Variants in NLRP4 observed in about 807,000 individuals in gnomAD.
NLRP4 encodes NACHT, LRR and PYD domains-containing protein 4.
Under a neutral mutation model 84.7 loss-of-function variants are expected in NLRP4, and 44 were observed. The ratio of observed to expected loss-of-function variants is 0.52; its 90% CI spans 0.41 to 0.67. NLRP4 has a LOEUF of 0.67. NLRP4 is among the 30% of genes least tolerant of loss of function. The pLI is 0.00. For synonymous variants in NLRP4, 544 were observed against 476.4 expected (o/e 1.14, Z -1.85); for missense variants, 1,260 against 1,219.4 (o/e 1.03, Z -0.50).
At chr19:55,844,610 T>C (rs555028367) in intron 1 of NLRP4, among the ~76,000 whole-genome samples, 4 of 152,136 alleles carry the variant, frequency 2.6e-5, no homozygotes, top group Non-Finnish European at 5.9e-5. Context: ...ACCAATTATA[T>C]TGGATCGGGG....
In NLRP4 at chr19:55,861,387, T is replaced by C; in HGVS notation, c.1858T>C (p.Ser620Pro). Residue 620 changes from serine (S) to proline (P), a missense_variant and splice_region_variant, in exon 4 of 10, where the codon TCG (serine) becomes CCG (proline). Physicochemically the swap from Ser to Pro is moderately conservative, Grantham distance 74. Coordinates refer to ENST00000301295, the MANE Select transcript of NLRP4 (RefSeq NM_134444.5). ...FKKEDEHSST[S>P]DYSLICWHHI... ...AAGCTCGTCCTTTCTTGACCACAGG[T>C]CGGATTACAGCCTCATCTGTTGGCA... 1.2e-6 allele frequency: 2 copies of C among 1,612,666 alleles called. No homozygotes were observed. The highest frequency in any genetic ancestry group is 1.7e-6 in the Non-Finnish European group (2 of 1,179,204).
chr19:55,875,734 A>G (rs544300651), intron 7 of NLRP4, among the ~76,000 whole-genome samples: 1 of 152,202 alleles, frequency 6.6e-6, no homozygotes, highest in East Asian at 1.9e-4. Flanking sequence ...AAACACCTAA[A>G]ATATAAAAAG....
intron 1 of NLRP4, among the ~76,000 whole-genome samples, chr19:55,850,200 G>A (rs1984020961): frequency 6.8e-6 from 1 of 147,232 alleles, no homozygotes; most frequent in Non-Finnish European, 1.5e-5. Context: ...CGTGGCTGCG[G>A]TGTAATTTCC....
In NLRP4 at chr19:55,847,426, C is replaced by G. The variant is rs888246918; in HGVS notation, c.-65-4590C>G. Among the ~76,000 whole-genome samples the G allele has an allele frequency of 2.6e-5, 4 of 152,082 alleles. No homozygotes were observed. The South Asian group carries it at 8.3e-4, about 31-fold the overall frequency. ...TCCACGTATGCTTGAAAAGAATGTT[C>G]TCTTGTGTGTAGGATTCCATAAATA... On this transcript the variant is annotated intron_variant, in intron 1 of 9. Transcript: ENST00000301295.
Position 55,877,031 on chromosome 19 carries a change from A to G in NLRP4, c.2561A>G (p.Glu854Gly). 2 of 1,613,936 alleles carry G rather than the reference A, an allele frequency of 1.2e-6. No individual in the cohort carries two copies. The highest frequency in any genetic ancestry group is 2.2e-5 in the South Asian group (2 of 91,058). The change falls in exon 8 of 10, where the codon GAA becomes GGA. Residue 854 changes from glutamate (E) to glycine (G), a missense_variant. Around this residue, in one of 3 missense-constraint regions of NLRP4, gnomAD observed 544 missense variants for 531.7 expected, o/e 1.02. Coordinates refer to ENST00000301295, the MANE Select transcript of NLRP4 (RefSeq NM_134444.5). ...TGTTTTATCACTGCTGCTGGCTGTG[A>G]AGACCTCGCCTCTGCTCTCATCAGC... ...VKCFITAAGCEDLASALISNQ... is the reference protein window; with the variant it reads ...VKCFITAAGCGDLASALISNQ...
In NLRP4 at chr19:55,881,688, T is replaced by A. The variant is rs1447159702; in HGVS notation, c.*101T>A. ...CCCAGGAGATACAAATCATTGATAC[T>A]CTGAGTTGTGAGATTTCTGGCACCC... On this transcript the variant is annotated 3_prime_UTR_variant, in exon 10 of 10. Transcript: ENST00000301295. The A allele has an allele frequency of 4.9e-6, 3 of 613,398 alleles. No individual in the cohort carries two copies. The highest frequency in any genetic ancestry group is 2.7e-5 in the Admixed American group (1 of 36,484). The allele number at this position is 613,398 out of a possible 1,614,324, so 38.0% of individuals were successfully genotyped here. A position where few individuals can be genotyped will look rare whatever the true frequency, so the allele number is the denominator to read the frequency against.
chr19:55,848,749 C>T (rs537898945), intron 1 of NLRP4, among the ~76,000 whole-genome samples: 9 of 152,284 alleles, frequency 5.9e-5, no homozygotes, highest in East Asian at 3.9e-4. Flanking sequence ...CCACATGATA[C>T]GGTTTGGCTG....
In NLRP4 at chr19:55,836,726, C is replaced by G. The variant is rs1983321972; in HGVS notation, c.-274C>G. On this transcript the variant is annotated 5_prime_UTR_variant, in exon 1 of 10. Transcript: ENST00000301295. ...TCTATTTACCCAGCGTTTTCCTTCT[C>G]TCCAGTTAGTGGGGTAGATGAACGC... 1 of 152,062 alleles carries G rather than the reference C, an allele frequency of 6.6e-6. No individual in the cohort carries two copies. Among genetic ancestry groups the G allele is most frequent in the Non-Finnish European group, 1.5e-5 (1 of 68,094 alleles). The allele number at this position is 152,062 out of a possible 1,614,324, so 9.4% of individuals were successfully genotyped here.
intron 2 of NLRP4, among the ~76,000 whole-genome samples, chr19:55,857,278 GTGTC>G (rs1251359539): frequency 6.6e-6 from 1 of 151,652 alleles, no homozygotes. Flanking sequence ...GTGTGTGTGT[GTGTC>G]TATTGAAAGC....
At chr19:55,877,972 A>G (rs2123070531) in intron 8 of NLRP4, among the ~76,000 whole-genome samples, 1 of 152,264 alleles carries the variant, frequency 6.6e-6, no homozygotes, top group Admixed American at 6.5e-5. Flanking sequence ...AGTTCAAGAG[A>G]TGAAGTATAG....
chr19:55,856,661 A>G (rs184279885), intron 2 of NLRP4, among the ~76,000 whole-genome samples: 227 of 151,544 alleles, frequency 1.5e-3, no homozygotes, highest in South Asian at 4.8e-3. Context: ...GACTACAGGC[A>G]CACACCACCA....
intron 3 of NLRP4, 54 bp from the exon 4 acceptor site, chr19:55,861,332 A>G (rs1010145409): frequency 7.1e-5 from 108 of 1,514,596 alleles, no homozygotes; most frequent in Non-Finnish European, 9.4e-5. Context: ...ATGTGTTACA[A>G]GTGGCTCGTG....
At chr19:55,849,998 CGGTGTG>C (rs1983988009) in intron 1 of NLRP4, among the ~76,000 whole-genome samples, 1 of 30,362 alleles carries the variant, frequency 3.3e-5, no homozygotes, top group Admixed American at 5.7e-4. Flanking sequence ...TCCGAGACTG[CGGTGTG>C]ATTTCCGAGA....
At position 55,870,304 on chromosome 19, in the gene NLRP4, T is replaced by C. The variant is rs112741631; in HGVS notation, c.2355-523T>C. 3.5e-3 allele frequency among the ~76,000 whole-genome samples: 536 copies of C among 152,320 alleles called. 2 individuals carry two copies. Among genetic ancestry groups the C allele is most frequent in the African/African-American group, 0.012 (507 of 41,568 alleles). ...TGTTAGAGTATTAGCTATGCCATAT[T>C]ACACGATACTTTTTCCTTCTGCATT... On this transcript the variant is annotated intron_variant, in intron 6 of 9. Coordinates refer to ENST00000301295, the MANE Select transcript of NLRP4 (RefSeq NM_134444.5).
rs1984516927 is a variant in NLRP4 at position 55,858,021 on chromosome 19, C to A, written c.628C>A (p.Pro210Thr). 3 of 1,614,184 alleles carry A rather than the reference C, an allele frequency of 1.9e-6. No individual in the cohort carries two copies. Among genetic ancestry groups the A allele is most frequent in the Non-Finnish European group, 2.5e-6 (3 of 1,180,024 alleles). Residue 210 changes from proline to threonine, a missense_variant, in exon 3 of 10, where the codon CCT becomes ACT. Around this residue, in one of 3 missense-constraint regions of NLRP4, gnomAD observed 712 missense variants for 669.2 expected, o/e 1.06. Coordinates refer to ENST00000301295, the MANE Select transcript of NLRP4 (RefSeq NM_134444.5). The surrounding 1 kb of genome is among the most constrained non-coding windows in gnomAD (Gnocchi z 4.2). The part of the protein sequence containing the change: ...SLADLISREW[P>T]DPAAPITEIV... Reference sequence around the variant, plus strand: ...GGCTGACTTGATTTCCAGAGAGTGGCCTGACCCCGCTGCTCCTATAACAGA... The same window carrying A: ...GGCTGACTTGATTTCCAGAGAGTGGACTGACCCCGCTGCTCCTATAACAGA...
In NLRP4 at chr19:55,849,052, C is replaced by G. The variant is rs184147095; in HGVS notation, c.-65-2964C>G. On this transcript the variant is annotated intron_variant, in intron 1 of 9. Transcript: ENST00000301295. ...AAACCACTTTTTTCTTTATAAATTA[C>G]CCAGTCTTGGGTAATGTCTCTATCA... is the stretch of plus-strand genomic sequence containing the variant. 4.6e-4 allele frequency among the ~76,000 whole-genome samples: 70 copies of G among 152,188 alleles called. 1 individual carries two copies. The highest frequency in any genetic ancestry group is 1.6e-3 in the African/African-American group (66 of 41,534).
intron 8 of NLRP4, among the ~76,000 whole-genome samples, chr19:55,878,471 T>G (rs1985451923): frequency 6.6e-6 from 1 of 152,236 alleles, no homozygotes; most frequent in African/African-American, 2.4e-5. Context: ...CTTGCTTCCA[T>G]TGTTATCTGA....
intron 1 of NLRP4, among the ~76,000 whole-genome samples, chr19:55,841,778 T>A (rs1410957956): frequency 6.6e-6 from 1 of 151,992 alleles, no homozygotes. Flanking sequence ...GGCAGGAGAA[T>A]GGTGTGAACC....
intron 8 of NLRP4, 97 bp downstream of exon 8, chr19:55,877,263 A>T: frequency 9.0e-7 from 1 of 1,116,394 alleles, no homozygotes; most frequent in Non-Finnish European, 1.3e-6. Flanking sequence ...ACAGGACCAC[A>T]TAGCAGCTAG....
Sources: allele counts gnomAD v4.1 joint callset (sites outside exome capture counted in the v4.1 genomes callset), GRCh38; gene constraint gnomAD v4.1.1; regional missense constraint gnomAD v4.1.1; non-coding constraint Gnocchi (gnomAD v3.1); transcripts MANE v1.5; gene names NCBI Gene and HGNC (gene_info 2026-07-23, HGNC 2026-07-21).